Variants in DOCK11 observed in about 807,000 individuals in gnomAD.
The protein encoded by DOCK11 is dedicator of cytokinesis 11.
A neutral mutation model predicts 169.1 loss-of-function variants in DOCK11; 70 were observed. The observed-to-expected ratio is 0.41, with a 90% CI of 0.34 to 0.51. DOCK11 has a LOEUF of 0.51. Ranked by LOEUF, DOCK11 falls within the 20% of genes least tolerant of loss-of-function variation. DOCK11 has a pLI of 0.10. For missense variants in DOCK11, 1,166 were observed against 1,538.8 expected (o/e 0.76, Z 4.05); for synonymous variants, 529 against 541.3 (o/e 0.98, Z 0.32).
At chrX:118,567,471 C>T (rs1168135162) in intron 9 of DOCK11, among the ~76,000 whole-genome samples, 1 of 101,585 alleles carries the variant, frequency 9.8e-6, no homozygotes, top group Non-Finnish European at 2.0e-5. Flanking sequence ...CTCACTCTAT[C>T]GCCCAGGCTG....
At chrX:118,579,974 A>C in intron 13 of DOCK11, 123 bp from the exon 14 acceptor site, 33 of 459,366 alleles carry the variant, frequency 7.2e-5, no homozygotes, top group Non-Finnish European at 1.1e-4. Context: ...GCTTGTGGCT[A>C]TTTCTATATA....
At chrX:118,575,582 G>C (rs1449270271) in intron 12 of DOCK11, among the ~76,000 whole-genome samples, 1 of 111,632 alleles carries the variant, frequency 9.0e-6, no homozygotes, top group Non-Finnish European at 1.9e-5. Flanking sequence ...GTCTTTTTGG[G>C]GCTGTGGATT....
chrX:118,500,814 G>GT (rs1186180719), intron 1 of DOCK11, among the ~76,000 whole-genome samples: 4 of 109,937 alleles, frequency 3.6e-5, no homozygotes, highest in African/African-American at 1.3e-4. Flanking sequence ...GTTTTGTTTT[G>GT]TTTTTTTAGT....
At chrX:118,567,017 C>T (rs2013100550) in intron 9 of DOCK11, among the ~76,000 whole-genome samples, 1 of 111,895 alleles carries the variant, frequency 8.9e-6, no homozygotes, top group Non-Finnish European at 1.9e-5. Context: ...AATCTATGAC[C>T]AACATATGTT....
chrX:118,660,757 A>C (rs2016194770), intron 44 of DOCK11, among the ~76,000 whole-genome samples: 1 of 109,976 alleles, frequency 9.1e-6, no homozygotes. Flanking sequence ...GGCGTGAGCC[A>C]CCGCGCCTGG....
At chrX:118,529,511 A>G (rs890205558) in intron 1 of DOCK11, among the ~76,000 whole-genome samples, 2 of 112,100 alleles carry the variant, frequency 1.8e-5, no homozygotes, top group Admixed American at 1.9e-4. Context: ...GAAAATCTTA[A>G]TTCTGAAGGT....
At chrX:118,521,621 A>G (rs2011269132) in intron 1 of DOCK11, among the ~76,000 whole-genome samples, 1 of 112,431 alleles carries the variant, frequency 8.9e-6, no homozygotes, top group Non-Finnish European at 1.9e-5. Flanking sequence ...CACATGACAG[A>G]CTTTGTAGTT....
intron 1 of DOCK11, among the ~76,000 whole-genome samples, chrX:118,530,596 A>G (rs1306462866): frequency 8.9e-6 from 1 of 111,934 alleles, no homozygotes; most frequent in Non-Finnish European, 1.9e-5. Context: ...GCTAAGACTT[A>G]TGCTCTCTTC....
At chrX:118,671,259 G>T in intron 46 of DOCK11, 114 bp downstream of exon 46, 2 of 635,025 alleles carry the variant, frequency 3.1e-6, no homozygotes, top group Non-Finnish European at 4.6e-6. Flanking sequence ...AAGAATATAA[G>T]GTTCATTACA....
Position 118,495,862 on chromosome X carries a change from C to A in DOCK11, c.-110C>A. On this transcript the variant is annotated 5_prime_UTR_variant, in exon 1 of 53. Coordinates refer to ENST00000276202, the MANE Select transcript of DOCK11 (RefSeq NM_144658.4). Reference sequence around the variant, plus strand: ...AGCTGCGATGTGGCCGGCCGGCCGGCGAGTAAACAGAGGGAGCAGCAGCGG... The same window carrying A: ...AGCTGCGATGTGGCCGGCCGGCCGGAGAGTAAACAGAGGGAGCAGCAGCGG... 3.1e-6 allele frequency: 1 copy of A among 324,959 alleles called. No individual in the cohort carries two copies. Among genetic ancestry groups the A allele is most frequent in the Non-Finnish European group, 4.3e-6 (1 of 231,361 alleles). 26.8% of individuals were successfully genotyped at this position (324,959 alleles called of 1,213,427 possible). A position where few individuals can be genotyped will look rare whatever the true frequency, so the allele number is the denominator to read the frequency against.
At chrX:118,629,330 A>G (rs1365999750) in intron 34 of DOCK11, among the ~76,000 whole-genome samples, 3 of 111,910 alleles carry the variant, frequency 2.7e-5, no homozygotes, top group Non-Finnish European at 5.6e-5. Context: ...TAGTAGTCAC[A>G]TAGTAGCTAG....
At chrX:118,569,091 C>CTTTTTTTTTTTT (rs1186200391) in intron 10 of DOCK11, among the ~76,000 whole-genome samples, 6 of 44,991 alleles carry the variant, frequency 1.3e-4, no homozygotes, top group Non-Finnish European at 2.0e-4. Context: ...TCTTTCTTTC[C>CTTTTTTTTTTTT]TTTTTTTTTT....
At chrX:118,547,560 G>T (rs1419056772) in intron 6 of DOCK11, among the ~76,000 whole-genome samples, 1 of 112,132 alleles carries the variant, frequency 8.9e-6, no homozygotes, top group Non-Finnish European at 1.9e-5. Flanking sequence ...TCTCATGGCT[G>T]CCCTATGCAA....
At chrX:118,569,091 C>CTTTTTTTTTTTTTTTTTTT (rs1186200391) in intron 10 of DOCK11, among the ~76,000 whole-genome samples, 3 of 44,991 alleles carry the variant, frequency 6.7e-5, no homozygotes, top group Non-Finnish European at 1.2e-4. Context: ...TCTTTCTTTC[C>CTTTTTTTTTTTTTTTTTTT]TTTTTTTTTT....
At chrX:118,508,834 A>G (rs1224813652) in intron 1 of DOCK11, among the ~76,000 whole-genome samples, 2 of 111,975 alleles carry the variant, frequency 1.8e-5, no homozygotes, top group Admixed American at 9.5e-5. Context: ...TCATCAGGAG[A>G]GCCAGAAGAA....
chrX:118,529,447 T>G (rs2011458276), intron 1 of DOCK11, among the ~76,000 whole-genome samples: 1 of 112,505 alleles, frequency 8.9e-6, no homozygotes, highest in African/African-American at 3.2e-5. Flanking sequence ...ACCCTAATGT[T>G]TGCCTTTCAG....
chrX:118,554,431 T>TA (rs1184039037), intron 6 of DOCK11, among the ~76,000 whole-genome samples: 2 of 110,585 alleles, frequency 1.8e-5, no homozygotes, highest in Non-Finnish European at 3.8e-5. Flanking sequence ...GCACCTGTAA[T>TA]ATCAGCTACT....
chrX:118,582,815 C>G (rs1255073316), intron 14 of DOCK11, among the ~76,000 whole-genome samples: 2 of 111,847 alleles, frequency 1.8e-5, no homozygotes, highest in African/African-American at 6.5e-5. Context: ...AATAGGAACG[C>G]TTTTACACTG....
chrX:118,558,139 A>T (rs1461597149), intron 6 of DOCK11, among the ~76,000 whole-genome samples: 1 of 108,458 alleles, frequency 9.2e-6, no homozygotes, highest in Non-Finnish European at 1.9e-5. Flanking sequence ...CGCCTGGCTA[A>T]TTTTTGCATT....
Sources: allele counts gnomAD v4.1 joint callset (sites outside exome capture counted in the v4.1 genomes callset), GRCh38; gene constraint gnomAD v4.1.1; transcripts MANE v1.5; gene names NCBI Gene and HGNC (gene_info 2026-07-23, HGNC 2026-07-21).